The following LHFPL3 variants were observed in gnomAD, a reference collection of about 807,000 sequenced individuals.
The protein encoded by LHFPL3 is LHFPL tetraspan subfamily member 3 protein.
A neutral mutation model predicts 19.3 loss-of-function variants in LHFPL3; 5 were observed. That is an observed-to-expected ratio of 0.26 (90% CI 0.14 to 0.54). The LOEUF is 0.54. Among genes scored for constraint, LHFPL3 ranks in the 20% least tolerant of loss-of-function variants. LHFPL3 has a pLI of 0.94. For missense variants in LHFPL3, 249 were observed against 307.4 expected (o/e 0.81, Z 1.42); for synonymous variants, 133 against 126.2 (o/e 1.05, Z -0.36).
chr7:104,845,965 G>T (rs1219379450), intron 2 of LHFPL3, among the ~76,000 whole-genome samples: 1 of 152,184 alleles, frequency 6.6e-6, no homozygotes. Context: ...GAGAAAAGAG[G>T]CCATCTTCTC....
chr7:104,622,951 AT>A, intron 1 of LHFPL3: 2 of 317,540 alleles, frequency 6.3e-6, no homozygotes, highest in Non-Finnish European at 1.3e-5. Flanking sequence ...TCCAGGTTTT[AT>A]TTTTATCTGT....
intron 1 of LHFPL3, among the ~76,000 whole-genome samples, chr7:104,486,483 G>C (rs1266045250): frequency 6.6e-6 from 1 of 152,166 alleles, no homozygotes; most frequent in East Asian, 1.9e-4. Flanking sequence ...CCCACTTTCT[G>C]GTTTACTGGT....
intron 2 of LHFPL3, among the ~76,000 whole-genome samples, chr7:104,749,270 G>A (rs1471858278): frequency 6.6e-6 from 1 of 152,254 alleles, no homozygotes; most frequent in East Asian, 1.9e-4. Flanking sequence ...TTGCAGAAAT[G>A]TATAACAGTC....
rs997223053 is a variant in LHFPL3 at position 104,562,574 on chromosome 7, A to G, written c.446-174101A>G. 8.6e-5 allele frequency among the ~76,000 whole-genome samples: 13 copies of G among 151,880 alleles called. 1 individual carries two copies. Among genetic ancestry groups the G allele is most frequent in the Non-Finnish European group, 1.9e-4 (13 of 67,970 alleles). ...CTTCTCTGTATTGGTTATTCTAGTTATACATTCTTCTAAATTTTTTTCAAG... is the reference window on the plus strand; with the variant it reads ...CTTCTCTGTATTGGTTATTCTAGTTGTACATTCTTCTAAATTTTTTTCAAG... On this transcript the variant is annotated intron_variant, in intron 1 of 2. Transcript: ENST00000424859.
At chr7:104,510,888 G>A (rs756958882) in intron 1 of LHFPL3, among the ~76,000 whole-genome samples, 5 of 152,046 alleles carry the variant, frequency 3.3e-5, no homozygotes, top group Non-Finnish European at 5.9e-5. Context: ...AATAAACACC[G>A]GGGCCTATCA....
intron 1 of LHFPL3, among the ~76,000 whole-genome samples, chr7:104,584,367 C>G (rs1226236015): frequency 2.0e-5 from 3 of 151,864 alleles, no homozygotes; most frequent in East Asian, 1.9e-4. Context: ...TAAATGACGA[C>G]TTAATGGGTG....
chr7:104,495,100 T>C (rs2115706626), intron 1 of LHFPL3, among the ~76,000 whole-genome samples: 1 of 152,324 alleles, frequency 6.6e-6, no homozygotes, highest in East Asian at 1.9e-4. Context: ...CTTCTTTCTC[T>C]CCTAATGGGT....
chr7:104,463,971 A>C (rs1363366261), intron 1 of LHFPL3, among the ~76,000 whole-genome samples: 1 of 152,178 alleles, frequency 6.6e-6, no homozygotes, highest in Non-Finnish European at 1.5e-5. Flanking sequence ...TCCACGTCCA[A>C]AGTCTCACCT....
intron 1 of LHFPL3, among the ~76,000 whole-genome samples, chr7:104,400,878 T>C (rs546919854): frequency 6.6e-6 from 1 of 152,336 alleles, no homozygotes; most frequent in East Asian, 1.9e-4. Flanking sequence ...ATACTCCCCA[T>C]TGGGGTAGAC....
intron 1 of LHFPL3, among the ~76,000 whole-genome samples, chr7:104,499,178 A>G (rs1793550152): frequency 2.6e-5 from 4 of 152,244 alleles, no homozygotes; most frequent in African/African-American, 9.6e-5. Context: ...AAAGAGGAAT[A>G]TAAGGATAAG....
At chr7:104,621,946 C>T (rs1435303115) in intron 1 of LHFPL3, among the ~76,000 whole-genome samples, 1 of 152,040 alleles carries the variant, frequency 6.6e-6, no homozygotes, top group Non-Finnish European at 1.5e-5. Context: ...TTCCACCTAC[C>T]AAAAAACATT....
chr7:104,498,561 C>A (rs185419997), intron 1 of LHFPL3, among the ~76,000 whole-genome samples: 1 of 149,998 alleles, frequency 6.7e-6, no homozygotes, highest in Non-Finnish European at 1.5e-5. Flanking sequence ...CAGGGTCTCA[C>A]TCTGCCTCCA....
chr7:104,737,843 A>C (rs1002524325), intron 2 of LHFPL3, among the ~76,000 whole-genome samples: 5 of 152,182 alleles, frequency 3.3e-5, no homozygotes, highest in African/African-American at 1.2e-4. Flanking sequence ...TATGAGATTT[A>C]GCTTATTATT....
intron 1 of LHFPL3, among the ~76,000 whole-genome samples, chr7:104,522,604 C>A (rs1041702163): frequency 7.9e-5 from 12 of 151,976 alleles, no homozygotes; most frequent in African/African-American, 2.9e-4. Flanking sequence ...TTTTATGTGG[C>A]AGAAGATATG....
At position 104,880,893 on chromosome 7, in the gene LHFPL3, A is replaced by G. The variant is rs188909701; in HGVS notation, c.683-25294A>G. ...TATTTAAGAAATACTTTGTGTGGCC[A>G]GGCGCGGTGGCTCATGCCTGTAATC... On this transcript the variant is annotated intron_variant, in intron 2 of 2. Coordinates refer to ENST00000424859, the MANE Select transcript of LHFPL3 (RefSeq NM_199000.3). 6.0e-3 allele frequency among the ~76,000 whole-genome samples: 919 copies of G among 152,254 alleles called. 6 individuals carry two copies. The highest frequency in any genetic ancestry group is 1.0e-2 in the Non-Finnish European group (680 of 68,010).
chr7:104,646,992 C>T (rs942918128), intron 1 of LHFPL3, among the ~76,000 whole-genome samples: 2 of 152,166 alleles, frequency 1.3e-5, no homozygotes, highest in Non-Finnish European at 2.9e-5. Context: ...TATAAACAGA[C>T]GTTTATCCCA....
intron 1 of LHFPL3, among the ~76,000 whole-genome samples, chr7:104,599,892 G>A (rs760958741): frequency 1.6e-4 from 25 of 152,202 alleles, no homozygotes; most frequent in Non-Finnish European, 1.8e-4. Context: ...CAGACAGGCA[G>A]TATTGAGTTG....
At chr7:104,460,570 T>A (rs900705854) in intron 1 of LHFPL3, among the ~76,000 whole-genome samples, 8 of 152,198 alleles carry the variant, frequency 5.3e-5, no homozygotes, top group Admixed American at 6.5e-5. Flanking sequence ...TATCTCATTG[T>A]GGTTTGATTT....
intron 1 of LHFPL3, among the ~76,000 whole-genome samples, chr7:104,730,152 C>T (rs1425442769): frequency 6.6e-6 from 1 of 152,168 alleles, no homozygotes; most frequent in Non-Finnish European, 1.5e-5. Flanking sequence ...CATTGTTGCA[C>T]ATTTGGGTTG....
Sources: gnomAD v4.1 joint callset for allele counts (sites outside exome capture counted in the v4.1 genomes callset) on GRCh38, gnomAD v4.1.1 for gene constraint, MANE v1.5 for transcripts, NCBI Gene and HGNC (gene_info 2026-07-23, HGNC 2026-07-21) for gene names.